The following SATL1 variants were observed in gnomAD, a reference collection of about 807,000 sequenced individuals.
SATL1 encodes the protein spermidine/spermine N(1)-acetyltransferase-like protein 1.
SATL1 carries 47 observed loss-of-function variants against 51.8 expected under a neutral mutation model. The observed-to-expected ratio is 0.91, with a 90% CI of 0.72 to 1.16. The LOEUF (loss-of-function observed/expected upper bound fraction) is 1.16, where lower values mean the gene tolerates loss of function less well. SATL1 is among the 50% of genes most tolerant of loss of function. SATL1 has a pLI of 0.00. For missense variants in SATL1, 520 were observed against 526.4 expected (o/e 0.99, Z 0.12); for synonymous variants, 176 against 182.4 (o/e 0.97, Z 0.28).
intron 2 of SATL1, among the ~76,000 whole-genome samples, chrX:85,187,656 C>G (rs769631281): frequency 9.0e-6 from 1 of 111,675 alleles, no homozygotes; most frequent in Non-Finnish European, 1.9e-5. Context: ...CCTCACACTC[C>G]TGGGATAAAT....
chrX:85,182,202 G>A (rs1318263982), intron 2 of SATL1, among the ~76,000 whole-genome samples: 1 of 111,075 alleles, frequency 9.0e-6, no homozygotes, highest in Non-Finnish European at 1.9e-5. Flanking sequence ...CTATCTAGCT[G>A]TAATTTTGTA....
At chrX:85,208,541 T>G (rs1034185465) in intron 2 of SATL1, among the ~76,000 whole-genome samples, 2 of 111,827 alleles carry the variant, frequency 1.8e-5, no homozygotes, top group Non-Finnish European at 3.8e-5. Context: ...TTCCTATTTC[T>G]CCGCATCCTC....
intron 2 of SATL1, among the ~76,000 whole-genome samples, chrX:85,167,409 T>A (rs1926866875): frequency 1.8e-5 from 2 of 109,820 alleles, no homozygotes; most frequent in African/African-American, 6.6e-5. Flanking sequence ...ATAATAATAA[T>A]AAAATGGAAA....
At chrX:85,181,202 T>TACAC (rs767002404) in intron 2 of SATL1, among the ~76,000 whole-genome samples, 3 of 67,960 alleles carry the variant, frequency 4.4e-5, no homozygotes, top group Admixed American at 2.8e-4. Context: ...TATATATATA[T>TACAC]ACACATATAT....
intron 2 of SATL1, among the ~76,000 whole-genome samples, chrX:85,183,168 G>A (rs954527922): frequency 1.2e-4 from 13 of 111,179 alleles, no homozygotes; most frequent in Middle Eastern, 4.7e-3. Context: ...TGTCTTGAAG[G>A]ATTTCCCTTA....
intron 2 of SATL1, among the ~76,000 whole-genome samples, chrX:85,199,355 C>T (rs956334846): frequency 3.6e-5 from 4 of 111,531 alleles, no homozygotes; most frequent in Non-Finnish European, 5.6e-5. Flanking sequence ...TATATCACTA[C>T]GGAGAACGCT....
Position 85,198,672 on chromosome X carries a change from A to T in SATL1, c.-313+25533T>A, listed in dbSNP as rs185164798. On this transcript the variant is annotated intron_variant, in intron 2 of 7. Transcript: ENST00000644105. ...GGGCATCAAATGTTTTGATACAGGC[A>T]TGGAATATGTAATAATCACATCATG... Among the ~76,000 whole-genome samples the T allele has an allele frequency of 2.0e-3, 224 of 111,211 alleles. 1 individual carries two copies. Among genetic ancestry groups the T allele is most frequent in the Middle Eastern group, 0.014 (3 of 219 alleles).
At chrX:85,169,133 A>C (rs959640076) in intron 2 of SATL1, among the ~76,000 whole-genome samples, 2 of 112,580 alleles carry the variant, frequency 1.8e-5, no homozygotes, top group Admixed American at 1.9e-4. Flanking sequence ...AGATGGAGTA[A>C]AGACTTAAAT....
chrX:85,104,923 C>T (rs1924999704), intron 3 of SATL1, among the ~76,000 whole-genome samples: 1 of 111,245 alleles, frequency 9.0e-6, no homozygotes, highest in African/African-American at 3.3e-5. Context: ...GATGCAGAAG[C>T]CATGGATACA....
intron 4 of SATL1, among the ~76,000 whole-genome samples, chrX:85,100,023 T>C (rs1392310183): frequency 8.9e-6 from 1 of 112,311 alleles, no homozygotes; most frequent in Non-Finnish European, 1.9e-5. Context: ...CTGGCCAACA[T>C]GGTGAAACCC....
intron 2 of SATL1, among the ~76,000 whole-genome samples, chrX:85,143,811 T>C (rs1926166219): frequency 8.9e-6 from 1 of 111,867 alleles, no homozygotes; most frequent in Admixed American, 9.6e-5. Flanking sequence ...TCAATATTAG[T>C]AATTGTTTTA....
chrX:85,149,916 A>C (rs897185094), intron 2 of SATL1, among the ~76,000 whole-genome samples: 2 of 111,791 alleles, frequency 1.8e-5, no homozygotes, highest in Non-Finnish European at 3.8e-5. Context: ...TAGAAAAGCA[A>C]GAGCGAACAC....
intron 2 of SATL1, among the ~76,000 whole-genome samples, chrX:85,132,125 T>C (rs978879088): frequency 9.0e-6 from 1 of 111,145 alleles, no homozygotes; most frequent in Non-Finnish European, 1.9e-5. Context: ...CAATTATGTG[T>C]TTTGGAGTTG....
chrX:85,124,756 T>C (rs1394421007), intron 2 of SATL1, among the ~76,000 whole-genome samples: 1 of 110,932 alleles, frequency 9.0e-6, no homozygotes, highest in Non-Finnish European at 1.9e-5. Context: ...AAACAAGTTA[T>C]ATGAAGCAGA....
At chrX:85,111,313 T>A (rs1925252356) in intron 2 of SATL1, among the ~76,000 whole-genome samples, 1 of 112,532 alleles carries the variant, frequency 8.9e-6, no homozygotes, top group African/African-American at 3.2e-5. Context: ...TTGTTATTTT[T>A]AAATAATATT....
chrX:85,164,642 G>T (rs1419238483), intron 2 of SATL1, among the ~76,000 whole-genome samples: 2 of 110,394 alleles, frequency 1.8e-5, no homozygotes, highest in Non-Finnish European at 3.8e-5. Flanking sequence ...TTGGTTACCT[G>T]ATGCTTTTCC....
chrX:85,099,677 G>A (rs1466302512), intron 4 of SATL1, among the ~76,000 whole-genome samples: 1 of 111,531 alleles, frequency 9.0e-6, no homozygotes, highest in Non-Finnish European at 1.9e-5. Flanking sequence ...GCCGAAAAAG[G>A]TGTTTGACTA....
Position 85,189,323 on chromosome X carries a change from T to A in SATL1, c.-313+34882A>T, listed in dbSNP as rs144121132. Among the ~76,000 whole-genome samples, 7 of 111,569 alleles carry A rather than the reference T, an allele frequency of 6.3e-5. No individual in the cohort carries two copies. The East Asian group carries it at 2.0e-3, about 31-fold the overall frequency. Reference sequence around the variant, plus strand: ...TGCCACTGTGCCATGCTATCCCTGGTTATATGAGCATGACTCCCAAAAAAC... The same window carrying A: ...TGCCACTGTGCCATGCTATCCCTGGATATATGAGCATGACTCCCAAAAAAC... On this transcript the variant is annotated intron_variant, in intron 2 of 7. Transcript: ENST00000644105.
In SATL1 at chrX:85,092,343, A is replaced by C; in HGVS notation, c.*48T>G. 1 of 1,130,358 alleles carries C rather than the reference A, an allele frequency of 8.8e-7. No homozygotes were observed. The highest frequency in any genetic ancestry group is 1.2e-6 in the Non-Finnish European group (1 of 854,609). 93.2% of individuals were successfully genotyped at this position (1,130,358 alleles called of 1,213,427 possible). ...CAAACTGCTGTTAGACTCAGGTGACAGTCAAATGTTGGAGGCTGTGTTGGG... is the reference window on the plus strand; with the variant it reads ...CAAACTGCTGTTAGACTCAGGTGACCGTCAAATGTTGGAGGCTGTGTTGGG... On this transcript the variant is annotated 3_prime_UTR_variant, in exon 8 of 8. Coordinates refer to ENST00000644105, the MANE Select transcript of SATL1 (RefSeq NM_001367857.2).
Sources: gnomAD v4.1 joint callset for allele counts (sites outside exome capture counted in the v4.1 genomes callset) on GRCh38, gnomAD v4.1.1 for gene constraint, MANE v1.5 for transcripts, NCBI Gene and HGNC (gene_info 2026-07-23, HGNC 2026-07-21) for gene names.